PIM3: variants seen among roughly 807,000 people sequenced by gnomAD.
PIM3 encodes the protein Pim-3 proto-oncogene, serine/threonine kinase, also known as serine/threonine-protein kinase pim-3.
Under a neutral mutation model 27.5 loss-of-function variants are expected in PIM3, and 13 were observed. The observed-to-expected ratio is 0.47, with a 90% CI of 0.31 to 0.75. The LOEUF is 0.75. PIM3 is among the 30% of genes least tolerant of loss of function. The pLI, the probability that PIM3 is intolerant of heterozygous loss-of-function variation, is 0.05. For synonymous variants in PIM3, 341 were observed against 221.1 expected (o/e 1.54, Z -4.81); for missense variants, 482 against 476.9 (o/e 1.01, Z -0.10).
In PIM3 at chr22:49,963,481, C is replaced by T; in HGVS notation, c.*354C>T. The stretch of plus-strand genomic sequence containing the variant: ...CCCAAGCCCACCTCCCGCCCTCAGT[C>T]CTGCGGTGTGCGTCTGGGCACGTCC... On this transcript the variant is annotated 3_prime_UTR_variant, in exon 6 of 6. Transcript: ENST00000360612. 8.8e-6 allele frequency: 2 copies of T among 226,390 alleles called. No individual in the cohort carries two copies. The highest frequency in any genetic ancestry group is 1.8e-5 in the Non-Finnish European group (2 of 113,488). The allele number at this position is 226,390 out of a possible 1,614,324, so 14.0% of individuals were successfully genotyped here.
chr22:49,961,049 CG>C lies in PIM3; in HGVS notation c.85+21del. On this transcript the variant is annotated intron_variant, in intron 1 of 5. Coordinates refer to ENST00000360612, the MANE Select transcript of PIM3 (RefSeq NM_001001852.4). Reference sequence around the variant, plus strand: ...TGCAGCCAGGTACGCGCGGGGCCGGCGGGGCCGGGGCCGGGGCCAGGGCGGG... The same window carrying C: ...TGCAGCCAGGTACGCGCGGGGCCGGCGGGCCGGGGCCGGGGCCAGGGCGGG... 1.5e-6 allele frequency: 2 copies of C among 1,317,068 alleles called. No individual in the cohort carries two copies. The highest frequency in any genetic ancestry group is 1.9e-6 in the Non-Finnish European group (2 of 1,028,318). 81.6% of individuals were successfully genotyped at this position (1,317,068 alleles called of 1,614,324 possible).
rs377403543 is a variant in PIM3 at position 49,962,682 on chromosome 22, C to T, written c.617-7C>T. On this transcript the variant is annotated splice_region_variant and splice_polypyrimidine_tract_variant and intron_variant, in intron 4 of 5. Coordinates refer to ENST00000360612, the MANE Select transcript of PIM3 (RefSeq NM_001001852.4). ...TGGTGGGCGTGCTAAGCCCTGTGTC[C>T]CCTTAGGCACCCGAGTGTACAGCCC... The T allele has an allele frequency of 2.4e-4, 381 of 1,607,058 alleles. 1 individual carries two copies. Among genetic ancestry groups the T allele is most frequent in the Non-Finnish European group, 2.9e-4 (343 of 1,177,482 alleles).
Position 49,962,742 on chromosome 22 carries a change from C to A in PIM3, c.670C>A (p.Arg224Ser). The change falls in exon 5 of 6, where the codon CGC becomes AGC. Residue 224 changes from arginine (R) to serine (S), a missense_variant. By Grantham distance (110) the Arg-to-Ser change is moderately radical (BLOSUM62 -1). Coordinates refer to ENST00000360612, the MANE Select transcript of PIM3 (RefSeq NM_001001852.4). The stretch of plus-strand genomic sequence containing the variant: ...GATCCGCTACCACCGCTACCACGGG[C>A]GCTCGGCCACCGTGTGGTCGCTGGG... ...EWIRYHRYHG[R>S]SATVWSLGVL... is the part of the protein sequence containing the mutation. 6.2e-7 allele frequency: 1 copy of A among 1,612,776 alleles called. No homozygotes were observed. Among genetic ancestry groups the A allele is most frequent in the South Asian group, 1.1e-5 (1 of 91,086 alleles).
At chr22:49,961,841 C>G (rs1362713570) in intron 4 of PIM3, 30 bp downstream of exon 4, 27 of 1,607,986 alleles carry the variant, frequency 1.7e-5, no homozygotes, top group Non-Finnish European at 2.1e-5. Context: ...AGGGAACGTT[C>G]CGGGGGCCTT....
chr22:49,963,019 C>T lies in PIM3; in HGVS notation c.873C>T (p.Pro291=), dbSNP rs541567513. The change falls in exon 6 of 6, where the codon CCC becomes CCT. Residue 291 remains proline, a synonymous_variant. Coordinates refer to ENST00000360612, the MANE Select transcript of PIM3 (RefSeq NM_001001852.4). ...CGCTGGATCAGATTGCGGCCCATCCCTGGATGCTGGGGGCTGACGGGGGCG... is the reference window on the plus strand; with the variant it reads ...CGCTGGATCAGATTGCGGCCCATCCTTGGATGCTGGGGGCTGACGGGGGCG... ...RPSLDQIAAH[P]WMLGADGGVP... 19 of 1,612,216 alleles carry T rather than the reference C, an allele frequency of 1.2e-5. No homozygotes were observed. Among genetic ancestry groups the T allele is most frequent in the Non-Finnish European group, 1.4e-5 (17 of 1,179,796 alleles).
rs1358923023 is a variant in PIM3 at position 49,961,206 on chromosome 22, C to G, written c.167C>G (p.Ala56Gly). 1 of 1,531,618 alleles carries G rather than the reference C, an allele frequency of 6.5e-7. No homozygotes were observed. The highest frequency in any genetic ancestry group is 8.7e-7 in the Non-Finnish European group (1 of 1,143,156). 94.9% of individuals were successfully genotyped at this position (1,531,618 alleles called of 1,614,324 possible). A position where few individuals can be genotyped will look rare whatever the true frequency, so the allele number is the denominator to read the frequency against. ...LGSGGFGTVY[A>G]GSRIADGLPV... is the part of the protein sequence containing the mutation. The stretch of plus-strand genomic sequence containing the variant: ...AGCGGCGGCTTCGGCACGGTCTACG[C>G]GGGTAGCCGCATCGCCGACGGGCTC... Residue 56 changes from alanine (A) to glycine (G), a missense_variant, in exon 2 of 6, where the codon GCG (alanine) becomes GGG (glycine). By Grantham distance (60) the Ala-to-Gly change is moderately conservative. Coordinates refer to ENST00000360612, the MANE Select transcript of PIM3 (RefSeq NM_001001852.4).
chr22:49,962,236 G>T (rs1040801399), intron 4 of PIM3, among the ~76,000 whole-genome samples: 4 of 151,706 alleles, frequency 2.6e-5, no homozygotes, highest in Non-Finnish European at 5.9e-5. Context: ...CCTGCGTGGG[G>T]GCGGGAGCTG....
chr22:49,961,427 C>T lies in PIM3; in HGVS notation c.247-15C>T, dbSNP rs2060906613. ...GGGCGGGCGCGGGGCTTTTGCTGAC[C>T]GCCGTGTCCCCCAGGGCGGCGCGAC... On this transcript the variant is annotated splice_polypyrimidine_tract_variant and intron_variant, in intron 3 of 5. Transcript: ENST00000360612. The T allele has an allele frequency of 3.5e-6, 5 of 1,415,740 alleles. No individual in the cohort carries two copies. Among genetic ancestry groups the T allele is most frequent in the African/African-American group, 1.5e-5 (1 of 66,412 alleles). The allele number at this position is 1,415,740 out of a possible 1,614,324, so 87.7% of individuals were successfully genotyped here. A position where few individuals can be genotyped will look rare whatever the true frequency, so the allele number is the denominator to read the frequency against.
At chr22:49,962,903 C>T in intron 5 of PIM3, 37 bp from the exon 6 acceptor site, 2 of 1,599,102 alleles carry the variant, frequency 1.3e-6, no homozygotes, top group Non-Finnish European at 1.7e-6. Context: ...GGGCCTCGCC[C>T]TGCTTGGGCC....
intron 4 of PIM3, among the ~76,000 whole-genome samples, chr22:49,962,019 C>T (rs1205890215): frequency 6.6e-6 from 1 of 152,046 alleles, no homozygotes; most frequent in African/African-American, 2.4e-5. Context: ...GCTAGGGGCG[C>T]GCTCAATATT....
chr22:49,962,345 C>T (rs1406634156), intron 4 of PIM3, among the ~76,000 whole-genome samples: 2 of 145,410 alleles, frequency 1.4e-5, no homozygotes, highest in Admixed American at 6.9e-5. Flanking sequence ...CTCCCTCCCT[C>T]TCTCCCCTCC....
chr22:49,961,586 G>A lies in PIM3; in HGVS notation c.391G>A (p.Asp131Asn), dbSNP rs1403175478. 1 of 1,548,024 alleles carries A rather than the reference G, an allele frequency of 6.5e-7. No individual in the cohort carries two copies. The highest frequency in any genetic ancestry group is 8.7e-7 in the Non-Finnish European group (1 of 1,146,956). The change falls in exon 4 of 6, where the codon GAC (aspartate) becomes AAC (asparagine). Residue 131 changes from aspartate (D) to asparagine (N), a missense_variant. Asp to Asn is a conservative substitution (Grantham distance 23). Transcript: ENST00000360612. The part of the protein sequence containing the change: ...LVLERPEPAQ[D>N]LFDFITERGA... ...GCTGGAGCGGCCCGAGCCGGCGCAGGACCTCTTCGACTTTATCACGGAGCG... is the reference window on the plus strand; with the variant it reads ...GCTGGAGCGGCCCGAGCCGGCGCAGAACCTCTTCGACTTTATCACGGAGCG...
chr22:49,961,409 C>T lies in PIM3; in HGVS notation c.247-33C>T, dbSNP rs549700144. On this transcript the variant is annotated intron_variant, in intron 3 of 5. Transcript: ENST00000360612. Reference sequence around the variant, plus strand: ...GGCGGCGGCGGCGGCGGGGGGCGGGCGCGGGGCTTTTGCTGACCGCCGTGT... The same window carrying T: ...GGCGGCGGCGGCGGCGGGGGGCGGGTGCGGGGCTTTTGCTGACCGCCGTGT... 37 of 1,420,182 alleles carry T rather than the reference C, an allele frequency of 2.6e-5. 2 individuals carry two copies. The South Asian group carries it at 5.6e-4, about 21-fold the overall frequency. 88.0% of individuals were successfully genotyped at this position (1,420,182 alleles called of 1,614,324 possible).
At chr22:49,962,515 TC>T (rs1384550239) in intron 4 of PIM3, among the ~76,000 whole-genome samples, 173 bp from the exon 5 acceptor site, 1 of 147,862 alleles carries the variant, frequency 6.8e-6, no homozygotes, top group Non-Finnish European at 1.5e-5. Context: ...GGCCGGCCCC[TC>T]CCCCAGCCCC....
At chr22:49,962,637 G>T in intron 4 of PIM3, 52 bp from the exon 5 acceptor site, 1 of 1,554,636 alleles carries the variant, frequency 6.4e-7, no homozygotes, top group Non-Finnish European at 8.7e-7. Context: ...CTCGCCGTCT[G>T]TTGAGCGGCT....
intron 4 of PIM3, 130 bp from the exon 5 acceptor site, chr22:49,962,559 G>A: frequency 9.6e-7 from 1 of 1,040,840 alleles, no homozygotes; most frequent in Non-Finnish European, 1.3e-6. Flanking sequence ...CCAGGGTGAT[G>A]ACGAGCAGGA....
rs746022257 is a variant in PIM3, at chr22:49,961,795, C to T, written c.600C>T (p.Val200=). 3.1e-6 allele frequency: 5 copies of T among 1,611,166 alleles called. No homozygotes were observed. Among genetic ancestry groups the T allele is most frequent in the East Asian group, 2.2e-5 (1 of 44,728 alleles). Residue 200 remains valine, a synonymous_variant, in exon 4 of 6, where the codon GTC becomes GTT. Transcript: ENST00000360612. ...FGSGALLKDT[V]YTDFDGTRVY... ...CGGGTGCGCTGCTCAAGGACACGGT[C>T]TACACCGACTTCGACGGTGAGCGCG...
At position 49,961,486 on chromosome 22, in the gene PIM3, G is replaced by T; in HGVS notation, c.291G>T (p.Val97=). ...VPLEVVLLRK[V]GAAGGARGVI... ...TGGAGGTGGTGCTGCTGCGCAAGGT[G>T]GGCGCGGCGGGCGGCGCGCGCGGCG... Residue 97 remains valine, a synonymous_variant, in exon 4 of 6, where the codon GTG becomes GTT. Transcript: ENST00000360612. The T allele has an allele frequency of 6.7e-7, 1 of 1,491,912 alleles. No individual in the cohort carries two copies. Among genetic ancestry groups the T allele is most frequent in the Non-Finnish European group, 8.9e-7 (1 of 1,124,986 alleles). 92.4% of individuals were successfully genotyped at this position (1,491,912 alleles called of 1,614,324 possible). A position where few individuals can be genotyped will look rare whatever the true frequency, so the allele number is the denominator to read the frequency against.
chr22:49,962,111 C>T (rs1404611394), intron 4 of PIM3, among the ~76,000 whole-genome samples: 1 of 152,064 alleles, frequency 6.6e-6, no homozygotes, highest in Non-Finnish European at 1.5e-5. Context: ...CCGAGAGACC[C>T]CCGGCTGGGG....
Sources: allele counts gnomAD v4.1 joint callset (sites outside exome capture counted in the v4.1 genomes callset), GRCh38; gene constraint gnomAD v4.1.1; transcripts MANE v1.5; gene names NCBI Gene and HGNC (gene_info 2026-07-23, HGNC 2026-07-21).